TUSC3: variants seen among roughly 807,000 people sequenced by gnomAD.
TUSC3 encodes the protein dolichyl-diphosphooligosaccharide--protein glycosyltransferase subunit TUSC3.
In TUSC3, 45 loss-of-function variants were observed where a neutral mutation model predicts 44.8. The ratio of observed to expected loss-of-function variants is 1.00; its 90% CI spans 0.79 to 1.29. The LOEUF is 1.29. Ranked by LOEUF, TUSC3 falls within the 50% of genes most tolerant of loss-of-function variation. TUSC3 has a pLI of 0.00. For synonymous variants in TUSC3, 212 were observed against 152.9 expected (o/e 1.39, Z -2.85); for missense variants, 519 against 437.9 (o/e 1.19, Z -1.65).
chr8:15,418,808 C>G (rs917849838), intron 1 of TUSC3, among the ~76,000 whole-genome samples: 50 of 152,116 alleles, frequency 3.3e-4, no homozygotes, highest in African/African-American at 1.2e-3. Context: ...CAGTTCAAGA[C>G]CAGCCTGGGC....
At chr8:15,764,163 G>T (rs374596934) in intron 10 of TUSC3, 40 bp from the exon 11 acceptor site, 6 of 1,549,160 alleles carry the variant, frequency 3.9e-6, no homozygotes, top group Non-Finnish European at 5.3e-6. Flanking sequence ...TTTTCCTTAT[G>T]TTCTATGTTC....
At chr8:15,807,230 C>G in the TUSC3 span, 2 of 674,136 alleles carry the variant, frequency 3.0e-6, no homozygotes, top group South Asian at 3.1e-5. Context: ...ACTAATTACC[C>G]CACCCCCAGG....
In TUSC3 at chr8:15,495,098, G is replaced by A. The variant is rs368703579; in HGVS notation, n.189+11615G>A. Among the ~76,000 whole-genome samples, 370 of 152,222 alleles carry A rather than the reference G, an allele frequency of 2.4e-3. 4 individuals carry two copies. The highest frequency in any genetic ancestry group is 8.4e-3 in the African/African-American group (348 of 41,522). On this transcript the variant is annotated intron_variant and non_coding_transcript_variant, in intron 2 of 5. Coordinates refer to the TUSC3 transcript ENST00000503191. ...AATACAGGATCTCATTCTTTTTTAT[G>A]ATGGCATAGTATTCCCTGGTGTATA...
At chr8:15,812,226 T>C in the TUSC3 span, among the ~76,000 whole-genome samples, 2 of 152,204 alleles carry the variant, frequency 1.3e-5, no homozygotes, top group Admixed American at 6.5e-5. Context: ...AAAATATCTG[T>C]TTCTACAGCT....
At chr8:15,831,031 C>T in the TUSC3 span, among the ~76,000 whole-genome samples, 2 of 152,076 alleles carry the variant, frequency 1.3e-5, no homozygotes, top group African/African-American at 2.4e-5. Context: ...AAATGCTTTG[C>T]TGTCACCACC....
chr8:15,504,046 G>A (rs1181032149), intron 2 of TUSC3, among the ~76,000 whole-genome samples: 1 of 148,836 alleles, frequency 6.7e-6, no homozygotes, highest in Non-Finnish European at 1.5e-5. Context: ...CTGTAGAAAA[G>A]AACACACCGT....
chr8:15,606,895 C>T (rs1242104188), intron 1 of TUSC3, among the ~76,000 whole-genome samples: 1 of 151,658 alleles, frequency 6.6e-6, no homozygotes, highest in Non-Finnish European at 1.5e-5. Context: ...TTACGTTTTC[C>T]AGTGGTATTT....
In TUSC3 at chr8:15,467,137, T is replaced by G. The variant is rs888276202; in HGVS notation, n.92-16249T>G. Among the ~76,000 whole-genome samples, 6 of 152,142 alleles carry G rather than the reference T, an allele frequency of 3.9e-5. 1 individual carries two copies. The highest frequency in any genetic ancestry group is 1.4e-4 in the African/African-American group (6 of 41,518). On this transcript the variant is annotated intron_variant and non_coding_transcript_variant, in intron 1 of 5. Coordinates refer to the TUSC3 transcript ENST00000503191. ...AAAGGAGGCATAAATGTTATTAAAA[T>G]TACTAAAACCTGTGATTAAAAGACA... is the stretch of plus-strand genomic sequence containing the variant.
intron 1 of TUSC3, among the ~76,000 whole-genome samples, chr8:15,450,651 C>G (rs1800185921): frequency 6.6e-6 from 1 of 152,088 alleles, no homozygotes. Context: ...GTCTGGGAGA[C>G]AGAGTGAGAC....
At chr8:15,595,185 T>C (rs923837964) in intron 1 of TUSC3, among the ~76,000 whole-genome samples, 19 of 152,202 alleles carry the variant, frequency 1.2e-4, no homozygotes, top group Admixed American at 4.6e-4. Context: ...AGAACTGTCC[T>C]GTAGTTCTCA....
intron 5 of TUSC3, among the ~76,000 whole-genome samples, chr8:15,671,714 G>C (rs1299976715): frequency 3.9e-5 from 6 of 152,018 alleles, no homozygotes; most frequent in African/African-American, 1.4e-4. Context: ...CCTCCATGTA[G>C]AATGTAAGCT....
intron 6 of TUSC3, among the ~76,000 whole-genome samples, chr8:15,708,968 AC>A (rs1031170979): frequency 1.3e-5 from 2 of 151,940 alleles, no homozygotes; most frequent in African/African-American, 4.8e-5. Context: ...ATCTAAATTG[AC>A]AAAGTAGTAC....
chr8:15,786,541 G>A, the TUSC3 span, among the ~76,000 whole-genome samples: 1 of 152,150 alleles, frequency 6.6e-6, no homozygotes, highest in Admixed American at 6.5e-5. Context: ...ACTGATCAAG[G>A]ATGCAGAATA....
chr8:15,433,354 T>A (rs560825066), intron 1 of TUSC3, among the ~76,000 whole-genome samples: 7 of 152,316 alleles, frequency 4.6e-5, no homozygotes, highest in South Asian at 2.1e-4. Flanking sequence ...CTTAATTTTT[T>A]AAAAATTTTT....
chr8:15,644,354 C>A (rs1434543079), intron 2 of TUSC3, among the ~76,000 whole-genome samples: 3 of 152,100 alleles, frequency 2.0e-5, no homozygotes, highest in African/African-American at 7.2e-5. Flanking sequence ...GAAGTTAGGC[C>A]TTTACTATTA....
At chr8:15,846,740 G>A in the TUSC3 span, among the ~76,000 whole-genome samples, 1 of 152,046 alleles carries the variant, frequency 6.6e-6, no homozygotes, top group East Asian at 1.9e-4. Context: ...GCTAGGGGAG[G>A]AATAGCGTTA....
At chr8:15,443,506 A>T (rs1800050098) in intron 1 of TUSC3, among the ~76,000 whole-genome samples, 1 of 152,048 alleles carries the variant, frequency 6.6e-6, no homozygotes, top group Non-Finnish European at 1.5e-5. Context: ...GAAAATTATG[A>T]CTGAGACAGT....
At chr8:15,591,389 A>G (rs904459959) in intron 1 of TUSC3, among the ~76,000 whole-genome samples, 1 of 152,190 alleles carries the variant, frequency 6.6e-6, no homozygotes, top group Non-Finnish European at 1.5e-5. Flanking sequence ...GTTTTTGGAC[A>G]AAGTTTAATC....
chr8:15,678,322 A>T (rs989052331), intron 6 of TUSC3, among the ~76,000 whole-genome samples: 1 of 152,198 alleles, frequency 6.6e-6, no homozygotes, highest in African/African-American at 2.4e-5. Flanking sequence ...GAACACACTA[A>T]GGCATTAAGG....
Sources: allele counts gnomAD v4.1 joint callset (sites outside exome capture counted in the v4.1 genomes callset), GRCh38; gene constraint gnomAD v4.1.1; transcripts MANE v1.5; gene names NCBI Gene and HGNC (gene_info 2026-07-23, HGNC 2026-07-21).